Variants in RHPN2 observed in about 807,000 individuals in gnomAD.
The protein encoded by RHPN2 is rhophilin-2.
A neutral mutation model predicts 79.0 loss-of-function variants in RHPN2; 40 were observed. The observed-to-expected ratio is 0.51, with a 90% CI of 0.39 to 0.66. The LOEUF is 0.66. Ranked by LOEUF, RHPN2 falls within the 30% of genes least tolerant of loss-of-function variation. RHPN2 has a pLI of 0.00. For missense variants in RHPN2, 686 were observed against 883.5 expected (o/e 0.78, Z 2.83); for synonymous variants, 285 against 363.5 (o/e 0.78, Z 2.46).
intron 2 of RHPN2, among the ~76,000 whole-genome samples, chr19:33,035,234 T>C (rs1308149548): frequency 6.6e-6 from 1 of 152,132 alleles, no homozygotes; most frequent in Admixed American, 6.6e-5. Context: ...CCCAAAGTGC[T>C]GGGATTACAG....
chr19:33,051,747 G>A (rs1972189808), intron 1 of RHPN2: 1 of 179,748 alleles, frequency 5.6e-6, no homozygotes. Context: ...AAGGCCTGGT[G>A]TGGTGGCTCA....
chr19:33,008,440 G>C (rs564492078), intron 6 of RHPN2, among the ~76,000 whole-genome samples: 1 of 146,332 alleles, frequency 6.8e-6, no homozygotes, highest in African/African-American at 2.5e-5. Flanking sequence ...TTTAATTTTT[G>C]TAGAGATGGG....
chr19:32,983,454 T>C (rs889446619), intron 14 of RHPN2, among the ~76,000 whole-genome samples: 9 of 150,244 alleles, frequency 6.0e-5, no homozygotes, highest in Non-Finnish European at 1.3e-4. Flanking sequence ...GAGCTTGCAG[T>C]GAGCTGAGAT....
At chr19:33,040,300 G>A (rs547223521) in intron 2 of RHPN2, among the ~76,000 whole-genome samples, 7 of 141,964 alleles carry the variant, frequency 4.9e-5, no homozygotes, top group Admixed American at 1.5e-4. Flanking sequence ...GCAGTAGCGC[G>A]ATCTCAGCTC....
At chr19:33,039,693 C>T (rs778714037) in intron 2 of RHPN2, among the ~76,000 whole-genome samples, 1 of 151,902 alleles carries the variant, frequency 6.6e-6, no homozygotes, top group Non-Finnish European at 1.5e-5. Context: ...CAAAAATTAG[C>T]CGGGTATGAT....
chr19:32,987,961 G>C lies in RHPN2; in HGVS notation c.1800+2553C>G, dbSNP rs147225414. On this transcript the variant is annotated intron_variant, in intron 14 of 14. Coordinates refer to ENST00000254260, the MANE Select transcript of RHPN2 (RefSeq NM_033103.5). Reference sequence around the variant, plus strand: ...TTTGGGAGGCGGAGGTGGGAGGATCGCTTAAGGCCAGGAGTTTGAGGCCAA... The same window carrying C: ...TTTGGGAGGCGGAGGTGGGAGGATCCCTTAAGGCCAGGAGTTTGAGGCCAA... Among the ~76,000 whole-genome samples, 101 of 152,142 alleles carry C rather than the reference G, an allele frequency of 6.6e-4. 2 individuals are homozygous for C. In the East Asian group the frequency reaches 0.019, roughly 28 times the overall value.
intron 3 of RHPN2, among the ~76,000 whole-genome samples, chr19:33,022,837 C>A (rs1249036063): frequency 6.6e-6 from 1 of 152,174 alleles, no homozygotes; most frequent in African/African-American, 2.4e-5. Context: ...TGCAGCTGTG[C>A]TACAGCCAGG....
intron 12 of RHPN2, 74 bp from the exon 13 acceptor site, chr19:32,992,043 C>T: frequency 6.4e-7 from 1 of 1,565,900 alleles, no homozygotes; most frequent in Non-Finnish European, 8.8e-7. Context: ...GGGAATTTTG[C>T]CTGCTGTCCT....
chr19:33,063,197 C>T lies in RHPN2; in HGVS notation c.69+1587G>A, dbSNP rs530700214. Reference sequence around the variant, plus strand: ...GCCTGTGATCCTCTGTCCCAAACGCCACACATAATTAGAAGTTATAATCCT... The same window carrying T: ...GCCTGTGATCCTCTGTCCCAAACGCTACACATAATTAGAAGTTATAATCCT... On this transcript the variant is annotated intron_variant, in intron 1 of 14. Coordinates refer to ENST00000254260, the MANE Select transcript of RHPN2 (RefSeq NM_033103.5). 3.3e-5 allele frequency among the ~76,000 whole-genome samples: 5 copies of T among 152,248 alleles called. No homozygotes were observed. The South Asian group carries it at 1.0e-3, about 32-fold the overall frequency.
chr19:33,061,225 CTTT>C (rs35377340), intron 1 of RHPN2, among the ~76,000 whole-genome samples: 2,307 of 120,470 alleles, frequency 0.019, 14 homozygotes, highest in Middle Eastern at 0.037. Context: ...ACCTGCCTTT[CTTT>C]TTTTTTTTTT....
At chr19:33,033,845 C>T (rs571986415) in intron 2 of RHPN2, among the ~76,000 whole-genome samples, 1 of 151,740 alleles carries the variant, frequency 6.6e-6, no homozygotes, top group Non-Finnish European at 1.5e-5. Flanking sequence ...CCAGCCTGGG[C>T]AACAAGAGCG....
intron 2 of RHPN2, among the ~76,000 whole-genome samples, chr19:33,036,042 G>A (rs11880141): frequency 0.18 from 26,940 of 151,220 alleles, 3,109 homozygotes; most frequent in South Asian, 0.33. Context: ...GCATGAACCC[G>A]GGAGGCAGAG....
chr19:32,991,939 G>A lies in RHPN2; in HGVS notation c.1528C>T (p.Arg510Trp), dbSNP rs760633882. The change falls in exon 13 of 15, where the codon CGG becomes TGG. Residue 510 changes from arginine (R) to tryptophan (W), a missense_variant. Arg to Trp is a moderately radical substitution (Grantham distance 101, BLOSUM62 -3). Coordinates refer to ENST00000254260, the MANE Select transcript of RHPN2 (RefSeq NM_033103.5). ...GPLSVFSANK[R>W]WTPPRSIRFT... is the part of the protein sequence containing the mutation. ...CGGATGCTTCGAGGAGGCGTCCACCGCTTGTTAGCCGAAAACACAGATAAG... is the reference window on the plus strand; with the variant it reads ...CGGATGCTTCGAGGAGGCGTCCACCACTTGTTAGCCGAAAACACAGATAAG... The A allele has an allele frequency of 5.6e-6, 9 of 1,613,934 alleles. No homozygotes were observed. The highest frequency in any genetic ancestry group is 2.2e-5 in the East Asian group (1 of 44,872).
chr19:32,991,583 G>A (rs1971659914), intron 13 of RHPN2, among the ~76,000 whole-genome samples: 1 of 151,774 alleles, frequency 6.6e-6, no homozygotes, highest in African/African-American at 2.4e-5. Flanking sequence ...AGTGAGCCCT[G>A]AGATCGCGCC....
intron 14 of RHPN2, among the ~76,000 whole-genome samples, chr19:32,983,646 T>G (rs1368538806): frequency 6.7e-6 from 1 of 150,134 alleles, no homozygotes; most frequent in Non-Finnish European, 1.5e-5. Flanking sequence ...TTTTTTTTTT[T>G]TTGAGACGGA....
At chr19:33,061,227 T>A (rs1407120053) in intron 1 of RHPN2, among the ~76,000 whole-genome samples, 1 of 60,730 alleles carries the variant, frequency 1.6e-5, no homozygotes, top group East Asian at 6.9e-4. Flanking sequence ...CTGCCTTTCT[T>A]TTTTTTTTTT....
intron 1 of RHPN2, among the ~76,000 whole-genome samples, chr19:33,053,771 G>A (rs1972209088): frequency 6.6e-6 from 1 of 151,864 alleles, no homozygotes; most frequent in African/African-American, 2.4e-5. Context: ...CACCATGTTG[G>A]CCAGGTTGGT....
chr19:32,996,095 G>A lies in RHPN2; in HGVS notation c.1351C>T (p.Arg451Trp), dbSNP rs761039358. 20 of 1,614,004 alleles carry A rather than the reference G, an allele frequency of 1.2e-5. No homozygotes were observed. The highest frequency in any genetic ancestry group is 1.7e-5 in the Admixed American group (1 of 60,002). The change falls in exon 11 of 15, where the codon CGG becomes TGG. Residue 451 changes from arginine to tryptophan, a missense_variant. Coordinates refer to ENST00000254260, the MANE Select transcript of RHPN2 (RefSeq NM_033103.5). ...KVLCAAQERSRLTYAQHQEED... is the reference protein window; with the variant it reads ...KVLCAAQERSWLTYAQHQEED... Reference sequence around the variant, plus strand: ...TCCTGGTGCTGGGCGTACGTGAGCCGGGAGCGTTCCTGTGCGGCACACAGC... The same window carrying A: ...TCCTGGTGCTGGGCGTACGTGAGCCAGGAGCGTTCCTGTGCGGCACACAGC...
At chr19:33,030,158 A>T (rs1971999737) in intron 2 of RHPN2, among the ~76,000 whole-genome samples, 1 of 152,170 alleles carries the variant, frequency 6.6e-6, no homozygotes, top group Admixed American at 6.6e-5. Context: ...CACGTGTGAC[A>T]ACACTCTTCC....
Sources: allele counts gnomAD v4.1 joint callset (sites outside exome capture counted in the v4.1 genomes callset), GRCh38; gene constraint gnomAD v4.1.1; transcripts MANE v1.5; gene names NCBI Gene and HGNC (gene_info 2026-07-23, HGNC 2026-07-21).